Variants in PHF14 observed in about 807,000 individuals in gnomAD.
The protein encoded by PHF14 is PHD finger protein 14.
Under a neutral mutation model 117.9 loss-of-function variants are expected in PHF14, and 55 were observed. The ratio of observed to expected loss-of-function variants is 0.47; its 90% CI spans 0.38 to 0.58. The LOEUF (loss-of-function observed/expected upper bound fraction) is 0.58, where lower values mean the gene tolerates loss of function less well. PHF14 is among the 20% of genes least tolerant of loss of function. PHF14 has a pLI of 0.00. For missense variants in PHF14, 978 were observed against 1,122.2 expected, an observed-to-expected ratio of 0.87 and a Z score of 1.84; for synonymous variants, 409 against 368.6, an observed-to-expected ratio of 1.11 and a Z score of -1.26.
At position 11,111,457 on chromosome 7, in the gene PHF14, C is replaced by G; in HGVS notation, c.2762C>G (p.Ser921Ter). ...YGWICQECDSSSSKEDENEAE... is the reference protein window; with the variant it reads ...YGWICQECDS ...TGGATATGTCAGGAATGTGATTCTTCATCTTCCAAGGTAAGGGGAGAAGTC... is the reference window on the plus strand; with the variant it reads ...TGGATATGTCAGGAATGTGATTCTTGATCTTCCAAGGTAAGGGGAGAAGTC... The change falls in exon 17 of 18, where the codon TCA becomes TGA. Residue 921 changes from serine to a stop codon, truncating the protein, a stop_gained. Coordinates refer to ENST00000634607, the MANE Select transcript of PHF14 (RefSeq NM_001007157.2). LOFTEE classifies it high-confidence loss of function. The G allele has an allele frequency of 6.4e-7, 1 of 1,555,212 alleles. No homozygotes were observed.
At chr7:11,030,812 G>A (rs1784096563) in intron 7 of PHF14, among the ~76,000 whole-genome samples, 1 of 152,050 alleles carries the variant, frequency 6.6e-6, no homozygotes, top group Admixed American at 6.6e-5. Flanking sequence ...GTTTTGGGGG[G>A]AAATGATTTA....
chr7:11,103,969 A>G, intron 16 of PHF14: 3 of 984,864 alleles, frequency 3.0e-6, no homozygotes, highest in Non-Finnish European at 3.6e-6. Flanking sequence ...AGCTTAAGGA[A>G]ATGTTGGTAA....
intron 7 of PHF14, among the ~76,000 whole-genome samples, chr7:11,030,806 T>C (rs1784096205): frequency 6.6e-6 from 1 of 152,150 alleles, no homozygotes; most frequent in African/African-American, 2.4e-5. Context: ...GCTGTTGTTT[T>C]GGGGGGAAAT....
At chr7:10,981,665 A>G (rs749347872) in intron 2 of PHF14, among the ~76,000 whole-genome samples, 40 of 152,230 alleles carry the variant, frequency 2.6e-4, no homozygotes, top group Non-Finnish European at 4.0e-4. Context: ...GTTACTGCGT[A>G]GAAGTTTTGA....
chr7:11,093,772 C>T (rs1457278314), intron 16 of PHF14, among the ~76,000 whole-genome samples: 3 of 152,150 alleles, frequency 2.0e-5, no homozygotes, highest in Admixed American at 6.6e-5. Context: ...TCATTGTTCT[C>T]TGCCCTTTTT....
chr7:11,011,321 T>A (rs564380905), intron 4 of PHF14, among the ~76,000 whole-genome samples: 1 of 152,342 alleles, frequency 6.6e-6, no homozygotes, highest in South Asian at 2.1e-4. Context: ...TTGTGAGAGG[T>A]CACGCTCCAA....
intron 17 of PHF14, among the ~76,000 whole-genome samples, chr7:11,139,585 A>AT (rs1788342313): frequency 6.6e-6 from 1 of 152,174 alleles, no homozygotes; most frequent in South Asian, 2.1e-4. Flanking sequence ...AATTTAAAGG[A>AT]TTTTACCAAG....
chr7:11,036,665 C>A lies in PHF14; in HGVS notation c.1850C>A (p.Ala617Glu). 1.2e-6 allele frequency: 2 copies of A among 1,613,646 alleles called. No individual in the cohort carries two copies. The highest frequency in any genetic ancestry group is 1.7e-6 in the Non-Finnish European group (2 of 1,179,662). Residue 617 changes from alanine (A) to glutamate (E), a missense_variant, in exon 9 of 18, where the codon GCA (alanine) becomes GAA (glutamate). Ala to Glu is a moderately radical substitution (Grantham distance 107). Around this residue, in one of 7 missense-constraint regions of PHF14, gnomAD observed 237 missense variants for 276.4 expected, o/e 0.86. Transcript: ENST00000634607. ...RRKHKQPALT[A>E]DFVNYYFERN... is the part of the protein sequence containing the mutation. ...AAACATAAGCAACCAGCTCTCACTGCAGATTTTGTGAATTATTATTTTGGT... is the reference window on the plus strand; with the variant it reads ...AAACATAAGCAACCAGCTCTCACTGAAGATTTTGTGAATTATTATTTTGGT...
chr7:11,150,318 T>A (rs946419208), intron 17 of PHF14, among the ~76,000 whole-genome samples: 37 of 152,254 alleles, frequency 2.4e-4, no homozygotes, highest in African/African-American at 7.7e-4. Context: ...AATAATTTGA[T>A]ATGCTAAAGA....
At chr7:11,157,571 A>G (rs936887100) in intron 17 of PHF14, among the ~76,000 whole-genome samples, 3 of 152,212 alleles carry the variant, frequency 2.0e-5, no homozygotes, top group Non-Finnish European at 4.4e-5. Context: ...ATAAAATGTC[A>G]GTATTAATAA....
At chr7:11,054,159 G>T (rs1784939935) in intron 14 of PHF14, among the ~76,000 whole-genome samples, 1 of 151,872 alleles carries the variant, frequency 6.6e-6, no homozygotes, top group Non-Finnish European at 1.5e-5. Flanking sequence ...GCTAAGTTTG[G>T]AAATGATGCT....
At chr7:11,104,388 A>G in intron 16 of PHF14, 1 of 960,976 alleles carries the variant, frequency 1.0e-6, no homozygotes, top group Non-Finnish European at 1.2e-6. Context: ...ACTTTCTCCT[A>G]ATAATCTCTT....
intron 17 of PHF14, among the ~76,000 whole-genome samples, chr7:11,135,894 C>T (rs1788207271): frequency 1.3e-5 from 2 of 152,090 alleles, no homozygotes; most frequent in African/African-American, 4.8e-5. Context: ...TTATAGCTTA[C>T]ATAATTTTCA....
intron 17 of PHF14, among the ~76,000 whole-genome samples, chr7:11,131,994 G>T (rs539522749): frequency 6.6e-6 from 1 of 151,676 alleles, no homozygotes; most frequent in East Asian, 1.9e-4. Context: ...TATATTTAAG[G>T]TATACAACAT....
At chr7:11,100,380 T>A (rs1209188154) in intron 16 of PHF14, among the ~76,000 whole-genome samples, 1 of 152,034 alleles carries the variant, frequency 6.6e-6, no homozygotes, top group Admixed American at 6.6e-5. Flanking sequence ...GACTCTACTA[T>A]CACATTCAGT....
intron 16 of PHF14, among the ~76,000 whole-genome samples, chr7:11,096,134 T>G (rs1786851726): frequency 6.6e-6 from 1 of 152,060 alleles, no homozygotes; most frequent in South Asian, 2.1e-4. Context: ...GCAAAGTTCA[T>G]TTTGGTTCTT....
chr7:11,086,038 T>A (rs1346914289), intron 16 of PHF14, among the ~76,000 whole-genome samples: 4 of 152,186 alleles, frequency 2.6e-5, no homozygotes, highest in African/African-American at 9.7e-5. Flanking sequence ...GATAATAATC[T>A]TTTTTACCTC....
At chr7:11,127,786 A>G (rs528217545) in intron 17 of PHF14, among the ~76,000 whole-genome samples, 2 of 152,242 alleles carry the variant, frequency 1.3e-5, no homozygotes, top group East Asian at 1.9e-4. Flanking sequence ...TTATCAGTGC[A>G]TATCTTTAAA....
intron 4 of PHF14, among the ~76,000 whole-genome samples, chr7:11,001,610 A>T (rs114589610): frequency 6.3e-5 from 2 of 31,584 alleles, no homozygotes; most frequent in African/African-American, 1.7e-4. Context: ...TGGCAATATT[A>T]TTTTATTTTT....
Sources: gnomAD v4.1 joint callset for allele counts (sites outside exome capture counted in the v4.1 genomes callset) on GRCh38, gnomAD v4.1.1 for gene constraint, gnomAD v4.1.1 regional missense constraint, MANE v1.5 for transcripts, NCBI Gene and HGNC (gene_info 2026-07-23, HGNC 2026-07-21) for gene names.